SNX1: variants seen among roughly 807,000 people sequenced by gnomAD.
SNX1 encodes sorting nexin-1.
In SNX1, 36 loss-of-function variants were observed where a neutral mutation model predicts 71.8. The ratio of observed to expected loss-of-function variants is 0.50; its 90% CI spans 0.38 to 0.66. SNX1 has a LOEUF of 0.66. Among genes scored for constraint, SNX1 ranks in the 30% least tolerant of loss-of-function variants. The pLI is 0.00. For missense variants in SNX1, 612 were observed against 646.7 expected, an observed-to-expected ratio of 0.95 and a Z score of 0.58; for synonymous variants, 254 against 240.7, an observed-to-expected ratio of 1.06 and a Z score of -0.51.
Position 64,118,833 on chromosome 15 carries a change from A to T in SNX1, c.445A>T (p.Ile149Leu), listed in dbSNP as rs968498504. The T allele has an allele frequency of 6.2e-7, 1 of 1,613,472 alleles. No homozygotes were observed. The highest frequency in any genetic ancestry group is 8.5e-7 in the Non-Finnish European group (1 of 1,179,608). The change falls in exon 4 of 15, where the codon ATA becomes TTA. Residue 149 changes from isoleucine to leucine, a missense_variant. Transcript: ENST00000559844. ...GGATCAATTTGATTTGACAGTCGGT[A>T]TAACTGATCCTGAGAAGATAGGTAA... ...QEDQFDLTVGITDPEKIGDGM... is the reference protein window; with the variant it reads ...QEDQFDLTVGLTDPEKIGDGM...
At chr15:64,116,057 A>G (rs924189409) in intron 2 of SNX1, among the ~76,000 whole-genome samples, 1 of 152,200 alleles carries the variant, frequency 6.6e-6, no homozygotes, top group Admixed American at 6.5e-5. Context: ...CTAATAGCCT[A>G]CTAATAGCCT....
chr15:64,124,216 TATC>T (rs1322638051), intron 5 of SNX1, among the ~76,000 whole-genome samples: 1 of 145,766 alleles, frequency 6.9e-6, no homozygotes, highest in African/African-American at 2.7e-5. Flanking sequence ...ATAAAAATAG[TATC>T]ATGGGGGCCG....
chr15:64,112,650 A>G lies in SNX1; in HGVS notation c.237A>G (p.Glu79=). The stretch of plus-strand genomic sequence containing the variant: ...GCTCCAAAGAAAATGGGATCCATGA[A>G]GAACAAGACCAAGAGCCACAGGATC... The part of the protein sequence containing the change: ...NNGSKENGIH[E]EQDQEPQDLF... The change falls in exon 2 of 15, where the codon GAA becomes GAG. Residue 79 remains glutamate, a synonymous_variant. Transcript: ENST00000559844. 1 of 1,613,666 alleles carries G rather than the reference A, an allele frequency of 6.2e-7. No homozygotes were observed. The highest frequency in any genetic ancestry group is 1.1e-5 in the South Asian group (1 of 90,978).
chr15:64,131,901 C>T lies in SNX1; in HGVS notation c.1221+9C>T, dbSNP rs762920015. On this transcript the variant is annotated intron_variant, in intron 11 of 14. Transcript: ENST00000559844. ...TCCTGGCCATAGTCCGCGTAAGCTT[C>T]TGTTTCCTTTTCTCCTCCTTCCCTT... 9.3e-6 allele frequency: 15 copies of T among 1,612,780 alleles called. No homozygotes were observed. The highest frequency in any genetic ancestry group is 2.2e-5 in the South Asian group (2 of 91,078).
chr15:64,103,879 T>TA (rs2080990138), intron 1 of SNX1, among the ~76,000 whole-genome samples: 1 of 152,182 alleles, frequency 6.6e-6, no homozygotes, highest in African/African-American at 2.4e-5. Context: ...CAAAGGTGTA[T>TA]CACTTAGTTT....
At chr15:64,128,202 C>G (rs1381300512) in intron 8 of SNX1, among the ~76,000 whole-genome samples, 1 of 152,206 alleles carries the variant, frequency 6.6e-6, no homozygotes, top group African/African-American at 2.4e-5. Flanking sequence ...AGTAGACAGT[C>G]TCTTTCACAG....
intron 1 of SNX1, among the ~76,000 whole-genome samples, chr15:64,098,152 G>A (rs1242515425): frequency 6.6e-6 from 1 of 152,172 alleles, no homozygotes; most frequent in African/African-American, 2.4e-5. Flanking sequence ...GTGCATGCCT[G>A]AGAAATAATA....
rs374488711 is a variant in SNX1 at position 64,131,745 on chromosome 15, G to A, written c.1074G>A (p.Glu358=). ...AKSLAMLGSS[E]DNTALSRALS... ...GTCTAGCCATGCTTGGGAGCTCTGA[G>A]GACAACACGGCATTGTCACGGGCAC... Residue 358 remains glutamate (E), a synonymous_variant, in exon 11 of 15, where the codon GAG becomes GAA. Coordinates refer to ENST00000559844, the MANE Select transcript of SNX1 (RefSeq NM_003099.5). 1.2e-6 allele frequency: 2 copies of A among 1,614,072 alleles called. No individual in the cohort carries two copies. The highest frequency in any genetic ancestry group is 1.3e-5 in the African/African-American group (1 of 74,922).
chr15:64,127,938 C>T (rs1439946539), intron 8 of SNX1, 132 bp downstream of exon 8: 1 of 631,780 alleles, frequency 1.6e-6, no homozygotes, highest in Non-Finnish European at 2.7e-6. Context: ...GTGTGAACCC[C>T]TGAGAGTGAC....
chr15:64,117,558 T>A (rs1447848193), intron 2 of SNX1, among the ~76,000 whole-genome samples: 2 of 152,168 alleles, frequency 1.3e-5, no homozygotes, highest in Non-Finnish European at 2.9e-5. Context: ...ACGCCCAGCC[T>A]TTTACAAACA....
intron 4 of SNX1, among the ~76,000 whole-genome samples, chr15:64,119,122 G>T (rs1412983183): frequency 1.3e-5 from 2 of 151,826 alleles, no homozygotes; most frequent in African/African-American, 4.8e-5. Flanking sequence ...TATTCTTTTG[G>T]TTTTTTGTTT....
intron 4 of SNX1, among the ~76,000 whole-genome samples, chr15:64,122,039 GCTCT>G (rs1470513274): frequency 6.6e-6 from 1 of 152,136 alleles, no homozygotes; most frequent in African/African-American, 2.4e-5. Context: ...AGATCTGTGT[GCTCT>G]CTATGTACAT....
rs2081343002 is a variant in SNX1, at chr15:64,134,937, C to T, written c.1365+130C>T. 1 of 1,215,598 alleles carries T rather than the reference C, an allele frequency of 8.2e-7. No homozygotes were observed. Among genetic ancestry groups the T allele is most frequent in the African/African-American group, 1.5e-5 (1 of 65,670 alleles). The allele number at this position is 1,215,598 out of a possible 1,614,324, so 75.3% of individuals were successfully genotyped here. A position where few individuals can be genotyped will look rare whatever the true frequency, so the allele number is the denominator to read the frequency against. ...GATTGAGTCTAAAGGGCCGTGGCTG[C>T]TGAGGAAGCCTCTGAGAATGACTCC... On this transcript the variant is annotated intron_variant, in intron 12 of 14. Coordinates refer to ENST00000559844, the MANE Select transcript of SNX1 (RefSeq NM_003099.5). This position sits in a 1 kb window ranked among gnomAD's most constrained non-coding sequence, Gnocchi z 4.1.
chr15:64,120,995 G>A (rs544269391), intron 4 of SNX1, among the ~76,000 whole-genome samples: 2 of 152,168 alleles, frequency 1.3e-5, no homozygotes, highest in African/African-American at 4.8e-5. Flanking sequence ...TCCTGGTAGG[G>A]CACAGTGTGG....
rs1270465545 is a variant in SNX1 at position 64,142,770 on chromosome 15, C to G, written c.*5152C>G. On this transcript the variant is annotated 3_prime_UTR_variant, in exon 15 of 15. Coordinates refer to ENST00000559844, the MANE Select transcript of SNX1 (RefSeq NM_003099.5). ...TTCGAGCTGGTGTGATCCCAGTATT[C>G]AGTGTCAGTACTCAGTGACAAAATA... is the stretch of plus-strand genomic sequence containing the variant. 8.9e-6 allele frequency: 4 copies of G among 448,338 alleles called. No individual in the cohort carries two copies. Among genetic ancestry groups the G allele is most frequent in the Non-Finnish European group, 1.8e-5 (4 of 223,266 alleles). 27.8% of individuals were successfully genotyped at this position (448,338 alleles called of 1,614,324 possible). A position where few individuals can be genotyped will look rare whatever the true frequency, so the allele number is the denominator to read the frequency against.
intron 11 of SNX1, among the ~76,000 whole-genome samples, chr15:64,133,363 G>C (rs2081326437): frequency 6.6e-6 from 1 of 152,248 alleles, no homozygotes; most frequent in African/African-American, 2.4e-5. Context: ...TCCTGGGGCA[G>C]GTGAATTTGG....
Position 64,136,398 on chromosome 15 carries a change from G to A in SNX1, c.1434G>A (p.Val478=). 1 of 1,613,902 alleles carries A rather than the reference G, an allele frequency of 6.2e-7. No homozygotes were observed. Residue 478 remains valine (V), a synonymous_variant, in exon 13 of 15, where the codon GTG becomes GTA. Transcript: ENST00000559844. ...TTTCAACAGTGGTCCGAAAAGAAGT[G>A]ATACGGTTTGAGGTGAGATAGAAAA... ...ERISTVVRKE[V]IRFEKEKSKD...
At chr15:64,131,069 G>A (rs1444404842) in intron 10 of SNX1, among the ~76,000 whole-genome samples, 1 of 152,172 alleles carries the variant, frequency 6.6e-6, no homozygotes, top group East Asian at 1.9e-4. Context: ...TGGGTCACGA[G>A]GTCAGGAGTT....
intron 2 of SNX1, among the ~76,000 whole-genome samples, chr15:64,116,239 A>G (rs939173471): frequency 2.0e-5 from 3 of 152,256 alleles, no homozygotes; most frequent in East Asian, 1.9e-4. Context: ...GTGGTTCATC[A>G]TAAAGGTTTT....
Sources: allele counts gnomAD v4.1 joint callset (sites outside exome capture counted in the v4.1 genomes callset), GRCh38; gene constraint gnomAD v4.1.1; non-coding constraint Gnocchi (gnomAD v3.1); transcripts MANE v1.5; gene names NCBI Gene and HGNC (gene_info 2026-07-23, HGNC 2026-07-21).